Variants in ZMAT4 observed in about 807,000 individuals in gnomAD.
The protein encoded by ZMAT4 is zinc finger matrin-type 4, also known as zinc finger matrin-type protein 4.
A neutral mutation model predicts 28.7 loss-of-function variants in ZMAT4; 17 were observed. The observed-to-expected ratio is 0.59, with a 90% CI of 0.41 to 0.89. The LOEUF (loss-of-function observed/expected upper bound fraction) is 0.89. Ranked by LOEUF, ZMAT4 falls within the 40% of genes least tolerant of loss-of-function variation. The pLI, the probability that ZMAT4 is intolerant of heterozygous loss-of-function variation, is 0.00. For synonymous variants in ZMAT4, 117 were observed against 109.2 expected (o/e 1.07, Z -0.44); for missense variants, 240 against 283.8 (o/e 0.85, Z 1.11).
chr8:40,662,580 T>G (rs1311226327), intron 5 of ZMAT4, among the ~76,000 whole-genome samples: 1 of 152,114 alleles, frequency 6.6e-6, no homozygotes, highest in Non-Finnish European at 1.5e-5. Flanking sequence ...CTTTAGAGAG[T>G]GTTCCATTTA....
intron 3 of ZMAT4, among the ~76,000 whole-genome samples, chr8:40,704,465 C>T (rs1433869788): frequency 1.3e-5 from 2 of 152,184 alleles, no homozygotes; most frequent in Admixed American, 6.5e-5. Flanking sequence ...AAATTTCATC[C>T]ACATCTTCCT....
chr8:40,771,149 A>T (rs573396645), intron 2 of ZMAT4, among the ~76,000 whole-genome samples: 1 of 151,864 alleles, frequency 6.6e-6, no homozygotes. Context: ...GGGGGGGAAG[A>T]AACTTTATAT....
chr8:40,828,046 A>C (rs78499226), intron 1 of ZMAT4, among the ~76,000 whole-genome samples: 214 of 152,294 alleles, frequency 1.4e-3, no homozygotes, highest in African/African-American at 4.8e-3. Flanking sequence ...ATTATAGTCC[A>C]TCTTCAAAAG....
At chr8:40,563,274 A>G (rs1803806310) in intron 6 of ZMAT4, among the ~76,000 whole-genome samples, 1 of 152,110 alleles carries the variant, frequency 6.6e-6, no homozygotes, top group South Asian at 2.1e-4. Context: ...AAGTCCTTAA[A>G]TGGTATATAA....
intron 5 of ZMAT4, among the ~76,000 whole-genome samples, chr8:40,607,814 AC>A (rs1468681746): frequency 6.6e-6 from 1 of 151,848 alleles, no homozygotes; most frequent in East Asian, 1.9e-4. Flanking sequence ...AGATCTAGTC[AC>A]CCAGCAGAGC....
chr8:40,641,162 T>C (rs1406727611), intron 5 of ZMAT4, among the ~76,000 whole-genome samples: 1 of 152,134 alleles, frequency 6.6e-6, no homozygotes, highest in Non-Finnish European at 1.5e-5. Flanking sequence ...GTCCAATATC[T>C]CTAGAGATCT....
chr8:40,664,497 TCTGTC>T (rs1808323186), intron 5 of ZMAT4, among the ~76,000 whole-genome samples: 1 of 152,200 alleles, frequency 6.6e-6, no homozygotes, highest in Non-Finnish European at 1.5e-5. Context: ...TTATCATCCA[TCTGTC>T]CTGCCCTCTG....
intron 5 of ZMAT4, among the ~76,000 whole-genome samples, chr8:40,646,698 A>C (rs2118790972): frequency 1.3e-5 from 2 of 152,350 alleles, no homozygotes; most frequent in African/African-American, 4.8e-5. Flanking sequence ...CCCCAAAAGT[A>C]CATAAAGCAA....
chr8:40,892,608 T>C (rs1818735131), intron 1 of ZMAT4, among the ~76,000 whole-genome samples: 1 of 152,210 alleles, frequency 6.6e-6, no homozygotes, highest in Non-Finnish European at 1.5e-5. Flanking sequence ...GAAAATGAAC[T>C]ACAAAGCAAA....
At chr8:40,615,302 G>T (rs1805960055) in intron 5 of ZMAT4, among the ~76,000 whole-genome samples, 1 of 152,192 alleles carries the variant, frequency 6.6e-6, no homozygotes, top group African/African-American at 2.4e-5. Flanking sequence ...TCCACTGTTA[G>T]TCTGATGGGC....
intron 5 of ZMAT4, among the ~76,000 whole-genome samples, chr8:40,641,147 A>G (rs1807010017): frequency 6.6e-6 from 1 of 152,186 alleles, no homozygotes; most frequent in Non-Finnish European, 1.5e-5. Context: ...ATATGTGTCA[A>G]ATATGTCCAA....
At chr8:40,885,441 C>T (rs1460238874) in intron 1 of ZMAT4, among the ~76,000 whole-genome samples, 3 of 152,224 alleles carry the variant, frequency 2.0e-5, no homozygotes, top group Non-Finnish European at 2.9e-5. Context: ...TCCGAGGGCG[C>T]CTCTGCCTCC....
intron 2 of ZMAT4, among the ~76,000 whole-genome samples, chr8:40,772,585 C>T (rs1813427420): frequency 6.6e-6 from 1 of 151,184 alleles, no homozygotes; most frequent in African/African-American, 2.4e-5. Flanking sequence ...ATGCTTCAGG[C>T]AGTCTTCAAA....
At chr8:40,601,503 A>AAGAG (rs1805329450) in intron 5 of ZMAT4, among the ~76,000 whole-genome samples, 1 of 127,224 alleles carries the variant, frequency 7.9e-6, no homozygotes, top group African/African-American at 2.9e-5. Flanking sequence ...GAGAGAAAGA[A>AAGAG]AGAAAGAGAA....
intron 4 of ZMAT4, among the ~76,000 whole-genome samples, chr8:40,682,675 A>G (rs1409634198): frequency 6.6e-6 from 1 of 152,210 alleles, no homozygotes. Flanking sequence ...ACTTAAGGGG[A>G]CTGTCCAATT....
intron 5 of ZMAT4, among the ~76,000 whole-genome samples, chr8:40,649,367 A>G (rs1807518000): frequency 6.6e-6 from 1 of 152,250 alleles, no homozygotes; most frequent in African/African-American, 2.4e-5. Context: ...TTCAACAAGA[A>G]GAGCTAACTA....
intron 5 of ZMAT4, among the ~76,000 whole-genome samples, chr8:40,665,203 C>CA (rs1395989946): frequency 1.3e-5 from 2 of 151,778 alleles, no homozygotes; most frequent in African/African-American, 2.4e-5. Flanking sequence ...AAGACTGTCT[C>CA]AAAAAAACAA....
chr8:40,860,119 G>A (rs1215077307), intron 1 of ZMAT4, among the ~76,000 whole-genome samples: 8 of 152,170 alleles, frequency 5.3e-5, no homozygotes, highest in Non-Finnish European at 1.0e-4. Flanking sequence ...TGAAAATATG[G>A]AGAATAATAT....
chr8:40,826,829 C>T (rs574333427), intron 1 of ZMAT4, among the ~76,000 whole-genome samples: 3 of 152,274 alleles, frequency 2.0e-5, no homozygotes, highest in East Asian at 1.9e-4. Flanking sequence ...CTGTCGGAAA[C>T]GGATCTTATG....
Sources: allele counts gnomAD v4.1 joint callset (sites outside exome capture counted in the v4.1 genomes callset), GRCh38; gene constraint gnomAD v4.1.1; transcripts MANE v1.5; gene names NCBI Gene and HGNC (gene_info 2026-07-23, HGNC 2026-07-21).